CDH6: variants seen among roughly 807,000 people sequenced by gnomAD.
CDH6 encodes the protein cadherin-6.
In CDH6, 31 loss-of-function variants were observed where a neutral mutation model predicts 78.0. The observed-to-expected ratio is 0.40, with a 90% CI of 0.30 to 0.54. The LOEUF (loss-of-function observed/expected upper bound fraction) is 0.54. CDH6 is among the 20% of genes least tolerant of loss of function. The pLI, the probability that CDH6 is intolerant of heterozygous loss-of-function variation, is 0.56. For synonymous variants in CDH6, 376 were observed against 368.8 expected (o/e 1.02, Z -0.23); for missense variants, 724 against 975.9 (o/e 0.74, Z 3.44).
rs1459523237 is a variant in CDH6, at chr5:31,326,022, T to G, written c.*2714T>G. On this transcript the variant is annotated 3_prime_UTR_variant, in exon 12 of 12. Transcript: ENST00000265071. ...GTCAAACATCATTGCATGCGCAGGTTTTTTTTTTAATTGCTAGGTCCCAGG... is the reference window on the plus strand; with the variant it reads ...GTCAAACATCATTGCATGCGCAGGTGTTTTTTTTAATTGCTAGGTCCCAGG... 3 of 229,476 alleles carry G rather than the reference T, an allele frequency of 1.3e-5. No individual in the cohort carries two copies. The highest frequency in any genetic ancestry group is 2.2e-5 in the African/African-American group (1 of 44,496). The allele number at this position is 229,476 out of a possible 1,614,324, so 14.2% of individuals were successfully genotyped here.
intron 2 of CDH6, among the ~76,000 whole-genome samples, chr5:31,283,544 G>A (rs867711170): frequency 3.3e-5 from 5 of 152,034 alleles, no homozygotes; most frequent in East Asian, 1.9e-4. Flanking sequence ...GTCATGTCCC[G>A]GCCCATGATA....
intron 1 of CDH6, among the ~76,000 whole-genome samples, chr5:31,247,363 A>T (rs1464316239): frequency 6.6e-6 from 1 of 152,230 alleles, no homozygotes; most frequent in Non-Finnish European, 1.5e-5. Flanking sequence ...ATGTCCAAAG[A>T]CTCATAAGTA....
At chr5:31,283,968 C>T (rs1302911262) in intron 2 of CDH6, among the ~76,000 whole-genome samples, 1 of 152,104 alleles carries the variant, frequency 6.6e-6, no homozygotes, top group African/African-American at 2.4e-5. Context: ...GCAGGCACCA[C>T]CACGCCCAGC....
At chr5:31,224,211 AAG>A (rs1741081796) in intron 1 of CDH6, among the ~76,000 whole-genome samples, 1 of 152,232 alleles carries the variant, frequency 6.6e-6, no homozygotes, top group African/African-American at 2.4e-5. Flanking sequence ...GCAGTAGGCA[AAG>A]AGAGAGAGTT....
At chr5:31,234,203 G>A (rs931844712) in intron 1 of CDH6, among the ~76,000 whole-genome samples, 1 of 152,126 alleles carries the variant, frequency 6.6e-6, no homozygotes, top group African/African-American at 2.4e-5. Flanking sequence ...ACTCTTGCCT[G>A]ATGTTGTAAC....
chr5:31,298,521 A>G (rs1426099096), intron 4 of CDH6, among the ~76,000 whole-genome samples: 1 of 152,222 alleles, frequency 6.6e-6, no homozygotes, highest in South Asian at 2.1e-4. Flanking sequence ...CACTGAAGGC[A>G]GGACTATAGG....
intron 2 of CDH6, 27 bp from the exon 3 acceptor site, chr5:31,293,935 T>G: frequency 2.7e-6 from 4 of 1,489,022 alleles, no homozygotes; most frequent in South Asian, 1.3e-5. Context: ...GACTTTTACT[T>G]TCTTTAATTT....
intron 1 of CDH6, among the ~76,000 whole-genome samples, chr5:31,227,075 T>C (rs1252088555): frequency 6.6e-6 from 1 of 152,226 alleles, no homozygotes; most frequent in South Asian, 2.1e-4. Context: ...CACACTCCTC[T>C]TAAAACAGGG....
intron 4 of CDH6, among the ~76,000 whole-genome samples, chr5:31,298,504 G>T (rs1249188948): frequency 6.6e-6 from 1 of 152,132 alleles, no homozygotes; most frequent in Non-Finnish European, 1.5e-5. Context: ...GAAAGCAGCC[G>T]CACTTTCACT....
At chr5:31,306,948 T>C (rs1400844862) in intron 7 of CDH6, among the ~76,000 whole-genome samples, 1 of 152,082 alleles carries the variant, frequency 6.6e-6, no homozygotes, top group Non-Finnish European at 1.5e-5. Context: ...GGGCGAACCA[T>C]GTTGATGCTG....
At position 31,317,402 on chromosome 5, in the gene CDH6, A is replaced by C. The variant is rs752579933; in HGVS notation, c.1540A>C (p.Lys514Gln). ...GATTCAGACCCTGCATGCTGTTGAC[A>C]AGGATGACCCTTATAGTGGACACCA... Reference protein sequence around the residue: ...QLIQTLHAVDKDDPYSGHQFS... With the variant: ...QLIQTLHAVDQDDPYSGHQFS... The change falls in exon 10 of 12, where the codon AAG (lysine) becomes CAG (glutamine). Residue 514 changes from lysine to glutamine, a missense_variant. Lys to Gln is a moderately conservative substitution (Grantham distance 53). Coordinates refer to ENST00000265071, the MANE Select transcript of CDH6 (RefSeq NM_004932.4). The C allele has an allele frequency of 2.5e-6, 4 of 1,601,672 alleles. No individual in the cohort carries two copies. In the South Asian group the frequency reaches 4.5e-5, roughly 18 times the overall value.
chr5:31,271,778 C>T (rs1480753249), intron 2 of CDH6, among the ~76,000 whole-genome samples: 1 of 152,098 alleles, frequency 6.6e-6, no homozygotes. Flanking sequence ...GGCAGAGTCT[C>T]GGGCCCCACC....
intron 7 of CDH6, among the ~76,000 whole-genome samples, chr5:31,312,984 G>C (rs1233199910): frequency 8.8e-5 from 13 of 147,252 alleles, no homozygotes; most frequent in Admixed American, 6.8e-4. Context: ...AAAGTTCTCA[G>C]GTTGTAAAAA....
chr5:31,263,437 G>A (rs982140792), intron 1 of CDH6, among the ~76,000 whole-genome samples: 1 of 135,916 alleles, frequency 7.4e-6, no homozygotes, highest in Admixed American at 8.2e-5. Context: ...TTGTTTTTTG[G>A]GGTCTTTTTT....
intron 1 of CDH6, among the ~76,000 whole-genome samples, chr5:31,216,035 T>C (rs897163611): frequency 6.6e-6 from 1 of 151,932 alleles, no homozygotes; most frequent in Non-Finnish European, 1.5e-5. Flanking sequence ...TATAAAGGGG[T>C]CTTAAGGTGT....
At position 31,201,918 on chromosome 5, in the gene CDH6, A is replaced by G. The variant is rs944604887; in HGVS notation, c.-129+8032A>G. On this transcript the variant is annotated intron_variant, in intron 1 of 11. Coordinates refer to ENST00000265071, the MANE Select transcript of CDH6 (RefSeq NM_004932.4). ...TGGAATACTAATATGATCTTTGACC[A>G]TATTAACATATCCTCAAAAAAAATA... Among the ~76,000 whole-genome samples the G allele has an allele frequency of 4.6e-5, 7 of 152,222 alleles. No individual in the cohort carries two copies. The East Asian group carries it at 5.8e-4, about 13-fold the overall frequency.
At chr5:31,238,989 A>G (rs1180275843) in intron 1 of CDH6, among the ~76,000 whole-genome samples, 2 of 152,246 alleles carry the variant, frequency 1.3e-5, no homozygotes, top group African/African-American at 4.8e-5. Flanking sequence ...ATTTTGACCA[A>G]TGGCTAGAAC....
intron 1 of CDH6, among the ~76,000 whole-genome samples, chr5:31,198,985 C>T (rs957071601): frequency 2.0e-5 from 3 of 151,908 alleles, no homozygotes; most frequent in South Asian, 4.1e-4. Flanking sequence ...AAAAGATTTC[C>T]TTAGTGCATT....
At chr5:31,205,825 T>G (rs1366871711) in intron 1 of CDH6, among the ~76,000 whole-genome samples, 1 of 152,180 alleles carries the variant, frequency 6.6e-6, no homozygotes, top group Non-Finnish European at 1.5e-5. Flanking sequence ...GAAAGATGAC[T>G]GGGAAAATGA....
Sources: allele counts gnomAD v4.1 joint callset (sites outside exome capture counted in the v4.1 genomes callset), GRCh38; gene constraint gnomAD v4.1.1; transcripts MANE v1.5; gene names NCBI Gene and HGNC (gene_info 2026-07-23, HGNC 2026-07-21).